Variants in ARHGAP17 observed in about 807,000 individuals in gnomAD.
The protein encoded by ARHGAP17 is Rho GTPase activating protein 17.
ARHGAP17 carries 57 observed loss-of-function variants against 99.5 expected under a neutral mutation model. The observed-to-expected ratio is 0.57, with a 90% CI of 0.46 to 0.71. The LOEUF (loss-of-function observed/expected upper bound fraction) is 0.71, where lower values mean the gene tolerates loss of function less well. Ranked by LOEUF, ARHGAP17 falls within the 30% of genes least tolerant of loss-of-function variation. ARHGAP17 has a pLI of 0.00. For synonymous variants in ARHGAP17, 417 were observed against 429.6 expected, an observed-to-expected ratio of 0.97 and a Z score of 0.36; for missense variants, 1,000 against 1,122.4, an observed-to-expected ratio of 0.89 and a Z score of 1.56.
intron 18 of ARHGAP17, among the ~76,000 whole-genome samples, chr16:24,933,542 G>A (rs2051052532): frequency 6.6e-6 from 1 of 151,870 alleles, no homozygotes; most frequent in South Asian, 2.1e-4. Context: ...CTGCTACACT[G>A]GTCTGGAACT....
At chr16:24,999,982 G>A (rs974616054) in intron 1 of ARHGAP17, among the ~76,000 whole-genome samples, 5 of 152,090 alleles carry the variant, frequency 3.3e-5, no homozygotes, top group African/African-American at 1.2e-4. Context: ...CTTAAACACA[G>A]CAGAGCTTGC....
In ARHGAP17 at chr16:24,968,682, G is replaced by T; in HGVS notation, c.363C>A (p.Asp121Glu). ...CCACCTCAGCTATGCCGTACAGAGG[G>T]TCCACGATCTCCTTCTCAACAAAGA... is the stretch of plus-strand genomic sequence containing the variant. Reference protein sequence around the residue: ...HEVFVEKEIVDPLYGIAEVEI... With the variant: ...HEVFVEKEIVEPLYGIAEVEI... Residue 121 changes from aspartate (D) to glutamate (E), a missense_variant, in exon 5 of 20, where the codon GAC becomes GAA. Transcript: ENST00000289968. The T allele has an allele frequency of 6.2e-7, 1 of 1,614,176 alleles. No individual in the cohort carries two copies. Among genetic ancestry groups the T allele is most frequent in the Non-Finnish European group, 8.5e-7 (1 of 1,180,044 alleles).
chr16:24,954,888 T>A, intron 9 of ARHGAP17, 158 bp from the exon 10 acceptor site: 1 of 1,077,684 alleles, frequency 9.3e-7, no homozygotes, highest in Non-Finnish European at 1.3e-6. Context: ...ATTTGCCATC[T>A]ACTGGAGCAG....
intron 1 of ARHGAP17, among the ~76,000 whole-genome samples, chr16:24,997,584 C>T (rs543080029): frequency 9.2e-5 from 14 of 152,084 alleles, no homozygotes; most frequent in African/African-American, 2.9e-4. Flanking sequence ...CCCCAAAACA[C>T]GAGATCCAAG....
At chr16:24,952,415 C>A in intron 11 of ARHGAP17, 45 bp from the exon 12 acceptor site, 1 of 1,474,274 alleles carries the variant, frequency 6.8e-7, no homozygotes, top group African/African-American at 1.4e-5. Context: ...AGGGGTAAGG[C>A]TAGGAATCTT....
intron 7 of ARHGAP17, among the ~76,000 whole-genome samples, chr16:24,961,471 C>A (rs1423416365): frequency 6.8e-6 from 1 of 147,714 alleles, no homozygotes; most frequent in Non-Finnish European, 1.5e-5. Flanking sequence ...TTGAGAACAG[C>A]CTGGACAACA....
At chr16:24,978,859 T>C in intron 2 of ARHGAP17, 107 bp downstream of exon 2, 1 of 749,344 alleles carries the variant, frequency 1.3e-6, no homozygotes, top group East Asian at 3.2e-5. Context: ...TTTATTCTGT[T>C]TCTGGTTAAA....
In ARHGAP17 at chr16:24,989,551, A is replaced by C. The variant is rs150161991; in HGVS notation, c.54-10546T>G. ...TTATATGAAATGGCCAGAAAACGGGAATCTATAGAGGCAGAAAGTAGATGA... is the reference window on the plus strand; with the variant it reads ...TTATATGAAATGGCCAGAAAACGGGCATCTATAGAGGCAGAAAGTAGATGA... On this transcript the variant is annotated intron_variant, in intron 1 of 19. Coordinates refer to ENST00000289968, the MANE Select transcript of ARHGAP17 (RefSeq NM_001006634.3). Among the ~76,000 whole-genome samples the C allele has an allele frequency of 5.3e-3, 811 of 152,226 alleles. 5 individuals carry two copies. Among genetic ancestry groups the C allele is most frequent in the Middle Eastern group, 0.01 (3 of 294 alleles).
chr16:24,951,180 C>G (rs1038994390), intron 12 of ARHGAP17, among the ~76,000 whole-genome samples: 3 of 152,204 alleles, frequency 2.0e-5, no homozygotes, highest in Admixed American at 1.3e-4. Context: ...TGTTCCTAGA[C>G]AGACTGAAGC....
In ARHGAP17 at chr16:24,952,924, C is replaced by A; in HGVS notation, c.964+7G>T. 1 of 1,613,008 alleles carries A rather than the reference C, an allele frequency of 6.2e-7. No homozygotes were observed. On this transcript the variant is annotated splice_region_variant and intron_variant, in intron 11 of 19. Coordinates refer to ENST00000289968, the MANE Select transcript of ARHGAP17 (RefSeq NM_001006634.3). ...GACTTGATTTGCAGACACTCTTTGG[C>A]GCTCACCTGCTACAGCATGGGGGTC...
chr16:25,013,936 A>G (rs1036722138), intron 1 of ARHGAP17: 5 of 152,222 alleles, frequency 3.3e-5, no homozygotes, highest in African/African-American at 1.2e-4. Flanking sequence ...CCTTCCTCTC[A>G]GCATTATTTC....
intron 4 of ARHGAP17, among the ~76,000 whole-genome samples, chr16:24,969,790 C>T (rs2052306115): frequency 6.6e-6 from 1 of 152,182 alleles, no homozygotes; most frequent in African/African-American, 2.4e-5. Context: ...AACATGGAAG[C>T]AGACAGGAGA....
At chr16:24,936,688 A>G (rs2051149078) in intron 17 of ARHGAP17, 1 of 151,738 alleles carries the variant, frequency 6.6e-6, no homozygotes. Flanking sequence ...CCTGGCTGAC[A>G]GAGCGAGATG....
intron 1 of ARHGAP17, among the ~76,000 whole-genome samples, chr16:25,011,654 G>C (rs146427612): frequency 6.7e-6 from 1 of 150,176 alleles, no homozygotes; most frequent in Admixed American, 6.7e-5. Flanking sequence ...GCAGTGAGCC[G>C]CGCCACTACA....
At chr16:24,979,466 C>T (rs1048353008) in intron 1 of ARHGAP17, among the ~76,000 whole-genome samples, 4 of 152,118 alleles carry the variant, frequency 2.6e-5, no homozygotes, top group Non-Finnish European at 5.9e-5. Context: ...CAACCAGAAA[C>T]GTTATGCAAA....
At chr16:25,009,827 T>G (rs2053597734) in intron 1 of ARHGAP17, among the ~76,000 whole-genome samples, 1 of 151,986 alleles carries the variant, frequency 6.6e-6, no homozygotes, top group Non-Finnish European at 1.5e-5. Context: ...ATAAGTAACA[T>G]CACCTCAGAG....
In ARHGAP17 at chr16:24,931,224, G is replaced by A; in HGVS notation, c.2075C>T (p.Pro692Leu). 3.8e-6 allele frequency: 6 copies of A among 1,560,240 alleles called. No individual in the cohort carries two copies. The highest frequency in any genetic ancestry group is 5.2e-6 in the Non-Finnish European group (6 of 1,153,612). ...CCTCCGGGGTGCTGAGAGCTGGGAG[G>A]GGGCGGAGGGCTGGCCTGGAGGCTG... ...TGQPPGQPSA[P>L]SQLSAPRRYS... The change falls in exon 19 of 20, where the codon CCC (proline) becomes CTC (leucine). Residue 692 changes from proline to leucine, a missense_variant. Physicochemically the swap from Pro to Leu is moderately conservative, Grantham distance 98. Around this residue, in one of 2 missense-constraint regions of ARHGAP17, gnomAD observed 528 missense variants for 511.4 expected, o/e 1.03. Coordinates refer to ENST00000289968, the MANE Select transcript of ARHGAP17 (RefSeq NM_001006634.3).
At chr16:24,943,635 A>T in intron 15 of ARHGAP17, 136 bp downstream of exon 15, 1 of 715,434 alleles carries the variant, frequency 1.4e-6, no homozygotes, top group Non-Finnish European at 2.3e-6. Context: ...CAATGAACAA[A>T]GGCTGGAAAG....
intron 6 of ARHGAP17, among the ~76,000 whole-genome samples, chr16:24,967,941 TCCTGCCATGTGAGTG>T (rs1323895893): frequency 2.6e-5 from 4 of 152,148 alleles, no homozygotes; most frequent in African/African-American, 4.8e-5. Context: ...TTACATGAGT[TCCTGCCATGTGAGTG>T]CCTCCTTCCT....
Sources: allele counts gnomAD v4.1 joint callset (sites outside exome capture counted in the v4.1 genomes callset), GRCh38; gene constraint gnomAD v4.1.1; regional missense constraint gnomAD v4.1.1; transcripts MANE v1.5; gene names NCBI Gene and HGNC (gene_info 2026-07-23, HGNC 2026-07-21).